Variants in OPCML observed in about 807,000 individuals in gnomAD.
The protein encoded by OPCML is opioid-binding protein/cell adhesion molecule.
A neutral mutation model predicts 37.8 loss-of-function variants in OPCML; 13 were observed. That is an observed-to-expected ratio of 0.34 (90% confidence interval 0.22 to 0.55). The LOEUF is 0.55. Among genes scored for constraint, OPCML ranks in the 20% least tolerant of loss-of-function variants. The pLI is 0.91. For missense variants in OPCML, 341 were observed against 435.6 expected, an observed-to-expected ratio of 0.78 and a Z score of 1.93; for synonymous variants, 176 against 168.8, an observed-to-expected ratio of 1.04 and a Z score of -0.33.
intron 2 of OPCML, among the ~76,000 whole-genome samples, chr11:132,718,486 C>A (rs1419586641): frequency 1.3e-5 from 2 of 152,176 alleles, no homozygotes; most frequent in Middle Eastern, 3.2e-3. Flanking sequence ...TAGGACCAGG[C>A]ATCCGTAAGA....
At chr11:133,257,143 C>T (rs946527831) in intron 1 of OPCML, among the ~76,000 whole-genome samples, 23 of 152,212 alleles carry the variant, frequency 1.5e-4, no homozygotes, top group African/African-American at 3.9e-4. Flanking sequence ...CACTGTCCTA[C>T]TTAACTGTTA....
At chr11:133,163,503 G>T (rs922793142) in intron 1 of OPCML, among the ~76,000 whole-genome samples, 1 of 152,192 alleles carries the variant, frequency 6.6e-6, no homozygotes, top group Non-Finnish European at 1.5e-5. Flanking sequence ...TTAAAAGGCA[G>T]GAGTCATTCA....
chr11:133,514,780 C>G (rs374497626), intron 1 of OPCML, among the ~76,000 whole-genome samples: 263 of 152,254 alleles, frequency 1.7e-3, no homozygotes, highest in African/African-American at 6.0e-3. Context: ...GGAAATTTGT[C>G]TGAGCTGTCA....
At chr11:133,304,598 G>A (rs753353898) in intron 1 of OPCML, among the ~76,000 whole-genome samples, 1 of 152,138 alleles carries the variant, frequency 6.6e-6, no homozygotes, top group African/African-American at 2.4e-5. Flanking sequence ...TTACAGACAC[G>A]AGCCCCTGCT....
At chr11:132,781,089 G>C (rs1344599145) in intron 2 of OPCML, among the ~76,000 whole-genome samples, 1 of 152,056 alleles carries the variant, frequency 6.6e-6, no homozygotes, top group African/African-American at 2.4e-5. Flanking sequence ...ATCAAAATAG[G>C]GCCCAAGAAG....
chr11:133,363,337 G>A (rs1944465021), intron 1 of OPCML, among the ~76,000 whole-genome samples: 1 of 152,192 alleles, frequency 6.6e-6, no homozygotes, highest in African/African-American at 2.4e-5. Context: ...AGAGGGCCGA[G>A]GGGTGGGGCG....
intron 2 of OPCML, among the ~76,000 whole-genome samples, chr11:132,870,856 A>G (rs943186075): frequency 1.3e-5 from 2 of 152,192 alleles, no homozygotes; most frequent in Non-Finnish European, 2.9e-5. Flanking sequence ...TGAACACACA[A>G]AAGTAGGGAG....
chr11:133,188,283 T>A (rs1395539423), intron 1 of OPCML, among the ~76,000 whole-genome samples: 1 of 152,204 alleles, frequency 6.6e-6, no homozygotes, highest in Non-Finnish European at 1.5e-5. Context: ...GGAGGGGGAC[T>A]GTATCTTTGG....
At chr11:133,250,075 T>C (rs886717623) in intron 1 of OPCML, among the ~76,000 whole-genome samples, 4 of 152,254 alleles carry the variant, frequency 2.6e-5, no homozygotes, top group Non-Finnish European at 5.9e-5. Context: ...AATATCATCA[T>C]AAAGTATAGA....
rs1592032930 is a variant in OPCML at position 133,133,647 on chromosome 11, A to G, written c.62-190637T>C. Among the ~76,000 whole-genome samples, 7 of 152,056 alleles carry G rather than the reference A, an allele frequency of 4.6e-5. No homozygotes were observed. The South Asian group carries it at 1.5e-3, about 32-fold the overall frequency. ...CCCTTGAGCAGCAACTACAGAATCC[A>G]CCCTCCCTTTGATTAATAACATCCC... is the stretch of plus-strand genomic sequence containing the variant. On this transcript the variant is annotated intron_variant, in intron 1 of 7. Transcript: ENST00000524381.
chr11:133,385,904 G>C (rs1214231724), intron 1 of OPCML, among the ~76,000 whole-genome samples: 2 of 152,198 alleles, frequency 1.3e-5, no homozygotes, highest in Non-Finnish European at 2.9e-5. Flanking sequence ...CAGAAATCCA[G>C]ATGTTTTCTC....
intron 1 of OPCML, chr11:133,006,957 T>C: frequency 1.0e-6 from 1 of 985,474 alleles, no homozygotes; most frequent in Non-Finnish European, 1.2e-6. Context: ...AATAAATGTC[T>C]GCAAAATACC....
At chr11:133,113,134 C>A (rs1305525143) in intron 1 of OPCML, among the ~76,000 whole-genome samples, 4 of 152,080 alleles carry the variant, frequency 2.6e-5, no homozygotes, top group African/African-American at 7.2e-5. Context: ...ACTTATCATG[C>A]AAAAAAGCCA....
chr11:132,694,177 GTCTTTTTTT>G (rs1364076976), intron 2 of OPCML, among the ~76,000 whole-genome samples: 40 of 63,940 alleles, frequency 6.3e-4, no homozygotes, highest in African/African-American at 2.4e-3. Context: ...TGAAATCAAT[GTCTTTTTTT>G]TTTTTTTTTT....
intron 3 of OPCML, among the ~76,000 whole-genome samples, chr11:132,602,812 G>C (rs1428927034): frequency 6.6e-6 from 1 of 152,222 alleles, no homozygotes; most frequent in African/African-American, 2.4e-5. Flanking sequence ...TGCAGTAAAA[G>C]GAATCGTGGG....
intron 1 of OPCML, chr11:133,024,913 A>T (rs1158402686): frequency 2.0e-6 from 2 of 985,268 alleles, no homozygotes; most frequent in African/African-American, 1.7e-5. Context: ...TCTACAGCAT[A>T]CAAATTTGCA....
Position 133,261,339 on chromosome 11 carries a change from C to G in OPCML, c.61+270925G>C, listed in dbSNP as rs181053666. 2.6e-5 allele frequency among the ~76,000 whole-genome samples: 4 copies of G among 152,322 alleles called. No individual in the cohort carries two copies. In the East Asian group the frequency reaches 7.7e-4, roughly 29 times the overall value. On this transcript the variant is annotated intron_variant, in intron 1 of 7. Transcript: ENST00000524381. ...TTGTAGCTCTCTCTTCCTTTAGAGA[C>G]TGGAATGTCTGTCCCCCCCATCTTT...
intron 1 of OPCML, among the ~76,000 whole-genome samples, chr11:133,403,565 C>A (rs553702568): frequency 2.0e-4 from 30 of 152,270 alleles, no homozygotes; most frequent in African/African-American, 6.7e-4. Flanking sequence ...CAGAATGAAC[C>A]AAAGGCAGGT....
intron 3 of OPCML, among the ~76,000 whole-genome samples, chr11:132,602,034 T>C (rs1937953730): frequency 6.6e-6 from 1 of 152,160 alleles, no homozygotes; most frequent in Admixed American, 6.5e-5. Flanking sequence ...AGACTGCCAC[T>C]CACAACCGTT....
Sources: gnomAD v4.1 joint callset for allele counts (sites outside exome capture counted in the v4.1 genomes callset) on GRCh38, gnomAD v4.1.1 for gene constraint, MANE v1.5 for transcripts, NCBI Gene and HGNC (gene_info 2026-07-23, HGNC 2026-07-21) for gene names.